The following SPMIP6 variants were observed in gnomAD, a reference collection of about 807,000 sequenced individuals.
SPMIP6 encodes the protein ciliated bronchial epithelial protein 1.
chr9:34,385,792 G>C, the SPMIP6 span: 1 of 1,611,216 alleles, frequency 6.2e-7, no homozygotes, highest in South Asian at 1.1e-5. Context: ...CTGGGCAAGG[G>C]GAGAGGAGAG....
At chr9:34,389,245 T>A in the SPMIP6 span, among the ~76,000 whole-genome samples, 2 of 152,282 alleles carry the variant, frequency 1.3e-5, no homozygotes, top group East Asian at 3.9e-4. Flanking sequence ...TTCTTTATAG[T>A]GTCTTGATGA....
chr9:34,379,515 C>A, the SPMIP6 span: 1 of 820,938 alleles, frequency 1.2e-6, no homozygotes, highest in Non-Finnish European at 2.1e-6. This position sits in a 1 kb window ranked among gnomAD's most constrained non-coding sequence, Gnocchi z 4.2. Context: ...CCACTAGCTC[C>A]CCCTCGTGGT....
chr9:34,393,799 A>C, the SPMIP6 span, among the ~76,000 whole-genome samples: 161 of 150,436 alleles, frequency 1.1e-3, no homozygotes, highest in African/African-American at 3.8e-3. Context: ...TTCTGGGAAA[A>C]TTTTTTCAGT....
At chr9:34,383,382 G>C in the SPMIP6 span, among the ~76,000 whole-genome samples, 5 of 152,194 alleles carry the variant, frequency 3.3e-5, no homozygotes, top group Non-Finnish European at 5.9e-5. Flanking sequence ...AATTAGTTGG[G>C]CATGGTTGGT....
the SPMIP6 span, among the ~76,000 whole-genome samples, chr9:34,395,715 A>G: frequency 1.3e-5 from 2 of 152,272 alleles, no homozygotes; most frequent in Non-Finnish European, 2.9e-5. Context: ...TTTGTTCTCA[A>G]ATGAACTCCA....
chr9:34,392,037 C>A, the SPMIP6 span, among the ~76,000 whole-genome samples: 1 of 151,926 alleles, frequency 6.6e-6, no homozygotes, highest in Non-Finnish European at 1.5e-5. This position sits in a 1 kb window ranked among gnomAD's most constrained non-coding sequence, Gnocchi z 4.6. Context: ...GAGATGATAT[C>A]TTGCTTTGTT....
chr9:34,381,357 A>G, the SPMIP6 span: 5 of 1,613,268 alleles, frequency 3.1e-6, no homozygotes, highest in East Asian at 1.1e-4. The surrounding 1 kb of genome is among the most constrained non-coding windows in gnomAD (Gnocchi z 4.4). Context: ...ACGCCCCACT[A>G]CCACTCTTTA....
At chr9:34,380,543 A>T in the SPMIP6 span, 4 of 1,168,562 alleles carry the variant, frequency 3.4e-6, no homozygotes, top group Non-Finnish European at 4.5e-6. Context: ...GAAAGGGGGC[A>T]GGGCCAAGGA....
the SPMIP6 span, chr9:34,379,065 A>C: frequency 6.6e-7 from 1 of 1,517,976 alleles, no homozygotes; most frequent in Non-Finnish European, 9.2e-7. The surrounding 1 kb of genome is among the most constrained non-coding windows in gnomAD (Gnocchi z 4.2). Flanking sequence ...TTGGCACAGC[A>C]AGCCCAGGCT....
the SPMIP6 span, chr9:34,379,765 G>C: frequency 6.4e-7 from 1 of 1,571,748 alleles, no homozygotes; most frequent in South Asian, 1.1e-5. This position sits in a 1 kb window ranked among gnomAD's most constrained non-coding sequence, Gnocchi z 4.2. Context: ...GCATGGAGGG[G>C]TTGGGCCTTT....
the SPMIP6 span, among the ~76,000 whole-genome samples, chr9:34,393,617 T>A: frequency 6.6e-6 from 1 of 152,160 alleles, no homozygotes; most frequent in Non-Finnish European, 1.5e-5. Flanking sequence ...TGGATTCATT[T>A]ATTTTGTTAG....
chr9:34,384,130 G>A, the SPMIP6 span, among the ~76,000 whole-genome samples: 1 of 152,198 alleles, frequency 6.6e-6, no homozygotes, highest in Non-Finnish European at 1.5e-5. Flanking sequence ...GCTGGGATTT[G>A]GAGTTCGGGG....
chr9:34,392,289 C>T, the SPMIP6 span, among the ~76,000 whole-genome samples: 1 of 152,114 alleles, frequency 6.6e-6, no homozygotes, highest in Non-Finnish European at 1.5e-5. This position sits in a 1 kb window ranked among gnomAD's most constrained non-coding sequence, Gnocchi z 4.6. Context: ...GTCCTAAACT[C>T]CTGGGCTCAA....
the SPMIP6 span, chr9:34,380,999 G>A: frequency 3.2e-5 from 51 of 1,609,872 alleles, no homozygotes; most frequent in Non-Finnish European, 4.2e-5. Context: ...GTGGCGGCCC[G>A]AGCAAGCACT....
At chr9:34,385,404 T>C in the SPMIP6 span, among the ~76,000 whole-genome samples, 1 of 151,868 alleles carries the variant, frequency 6.6e-6, no homozygotes, top group South Asian at 2.1e-4. Context: ...TGGTGGCACA[T>C]GCCTGTAGTC....
the SPMIP6 span, among the ~76,000 whole-genome samples, chr9:34,397,176 G>T: frequency 3.3e-5 from 5 of 152,274 alleles, no homozygotes; most frequent in South Asian, 2.1e-4. Flanking sequence ...GTCACCTTGA[G>T]AGAGGGTTTT....
chr9:34,388,307 A>ATTTTTTTT, the SPMIP6 span, among the ~76,000 whole-genome samples: 1 of 133,792 alleles, frequency 7.5e-6, no homozygotes. Context: ...CTCCCAGCTA[A>ATTTTTTTT]TTTTTTTTTT....
At chr9:34,386,035 T>A in the SPMIP6 span, among the ~76,000 whole-genome samples, 1 of 152,170 alleles carries the variant, frequency 6.6e-6, no homozygotes, top group Non-Finnish European at 1.5e-5. Context: ...GTCAGAGTAG[T>A]TTTCTGACTT....
the SPMIP6 span, among the ~76,000 whole-genome samples, chr9:34,392,459 G>GTT: frequency 2.0e-5 from 3 of 151,842 alleles, no homozygotes; most frequent in Non-Finnish European, 4.4e-5. The surrounding 1 kb of genome is among the most constrained non-coding windows in gnomAD (Gnocchi z 4.6). Context: ...GTGTGTGTGT[G>GTT]TGTGTGTGTG....
Sources: allele counts gnomAD v4.1 joint callset (sites outside exome capture counted in the v4.1 genomes callset), GRCh38; gene constraint gnomAD v4.1.1; non-coding constraint Gnocchi (gnomAD v3.1); transcripts MANE v1.5; gene names NCBI Gene and HGNC (gene_info 2026-07-23, HGNC 2026-07-21).